Variants in RPH3AL observed in about 807,000 individuals in gnomAD.
The protein encoded by RPH3AL is rab effector Noc2.
A neutral mutation model predicts 43.1 loss-of-function variants in RPH3AL; 38 were observed. That is an observed-to-expected ratio of 0.88 (90% CI 0.68 to 1.15). The LOEUF is 1.15. Ranked by LOEUF, RPH3AL falls within the 50% of genes most tolerant of loss-of-function variation. The pLI, the probability that RPH3AL is intolerant of heterozygous loss-of-function variation, is 0.00. For synonymous variants in RPH3AL, 189 were observed against 176.3 expected, an observed-to-expected ratio of 1.07 and a Z score of -0.57; for missense variants, 462 against 423.2, an observed-to-expected ratio of 1.09 and a Z score of -0.81.
rs111684299 is a variant in RPH3AL, at chr17:334,566, A to G, written c.-212-632T>C. ...GCTCCTTCTCCCCACGCCTTCCCCC[A>G]GGGCCAGCCCATCCACTGTGGAGGG... On this transcript the variant is annotated intron_variant, in intron 1 of 9. Coordinates refer to ENST00000331302, the MANE Select transcript of RPH3AL (RefSeq NM_006987.4). Among the ~76,000 whole-genome samples the G allele has an allele frequency of 9.3e-5, 12 of 129,668 alleles. 1 individual carries two copies. The highest frequency in any genetic ancestry group is 6.5e-5 in the Non-Finnish European group (4 of 61,292). 85.1% of individuals were successfully genotyped at this position (129,668 alleles called of 152,430 possible). A position where few individuals can be genotyped will look rare whatever the true frequency, so the allele number is the denominator to read the frequency against.
chr17:225,273 G>A lies in RPH3AL; in HGVS notation c.614-5537C>T, dbSNP rs1011650109. 1.3e-5 allele frequency among the ~76,000 whole-genome samples: 2 copies of A among 152,160 alleles called. No individual in the cohort carries two copies. Among genetic ancestry groups the A allele is most frequent in the Non-Finnish European group, 2.9e-5 (2 of 68,032 alleles). ...TGCCGCAGCAAGAGGAGATGGGGATGGGGCATGGCTGTGGTCCGTGTGCCC... is the reference window on the plus strand; with the variant it reads ...TGCCGCAGCAAGAGGAGATGGGGATAGGGCATGGCTGTGGTCCGTGTGCCC... On this transcript the variant is annotated intron_variant, in intron 7 of 9. Coordinates refer to ENST00000331302, the MANE Select transcript of RPH3AL (RefSeq NM_006987.4). This position sits in a 1 kb window ranked among gnomAD's most constrained non-coding sequence, Gnocchi z 4.4.
chr17:284,037 G>A (rs1226262017), intron 5 of RPH3AL, among the ~76,000 whole-genome samples: 2 of 152,198 alleles, frequency 1.3e-5, no homozygotes, highest in Non-Finnish European at 2.9e-5. Context: ...AACAAGTGTG[G>A]CCCTCAGAGA....
chr17:285,180 C>T (rs1323807540), intron 5 of RPH3AL, among the ~76,000 whole-genome samples: 1 of 151,874 alleles, frequency 6.6e-6, no homozygotes, highest in African/African-American at 2.4e-5. Flanking sequence ...GCCCTGGAGT[C>T]GTCTAGAGCC....
chr17:312,484 G>A (rs2043669636), intron 5 of RPH3AL, among the ~76,000 whole-genome samples: 1 of 152,148 alleles, frequency 6.6e-6, no homozygotes, highest in African/African-American at 2.4e-5. Context: ...ACGGCTGAAG[G>A]TGCCCAGTCT....
chr17:318,618 T>G (rs1262258779), intron 5 of RPH3AL, among the ~76,000 whole-genome samples: 1 of 151,968 alleles, frequency 6.6e-6, no homozygotes, highest in Admixed American at 6.5e-5. Context: ...CTCCATATGA[T>G]AGTATAATTA....
chr17:321,338 A>G lies in RPH3AL; in HGVS notation c.155T>C (p.Val52Ala). 2 of 1,611,118 alleles carry G rather than the reference A, an allele frequency of 1.2e-6. No homozygotes were observed. Among genetic ancestry groups the G allele is most frequent in the South Asian group, 1.1e-5 (1 of 91,068 alleles). ...CTGGATGACCTGCAGGATGGCCTCC[A>G]CCTCCGCCGGGCTGAGGTGCTGCTT... is the stretch of plus-strand genomic sequence containing the variant. The part of the protein sequence containing the change: ...RRKQHLSPAE[V>A]EAILQVIQRA... The change falls in exon 4 of 10, where the codon GTG becomes GCG. Residue 52 changes from valine to alanine, a missense_variant. Coordinates refer to ENST00000331302, the MANE Select transcript of RPH3AL (RefSeq NM_006987.4).
intron 5 of RPH3AL, among the ~76,000 whole-genome samples, chr17:292,280 C>G (rs913207556): frequency 2.6e-5 from 4 of 152,220 alleles, no homozygotes; most frequent in African/African-American, 9.6e-5. Flanking sequence ...GGGCCAGCAG[C>G]GGAAAGGCTG....
At chr17:315,169 AC>A (rs2043921041) in intron 5 of RPH3AL, among the ~76,000 whole-genome samples, 1 of 17,938 alleles carries the variant, frequency 5.6e-5, no homozygotes, top group African/African-American at 2.3e-4. Flanking sequence ...CTGTGCCCCC[AC>A]CTCCATTCAC....
intron 1 of RPH3AL, among the ~76,000 whole-genome samples, chr17:350,616 GA>G (rs1337180055): frequency 1.3e-5 from 2 of 151,756 alleles, no homozygotes; most frequent in African/African-American, 4.8e-5. Flanking sequence ...CTCAAAAAAA[GA>G]AAAAAAAGTT....
rs942105649 is a variant in RPH3AL at position 323,248 on chromosome 17, G to A, written c.78-1833C>T. 1.6e-4 allele frequency among the ~76,000 whole-genome samples: 23 copies of A among 146,804 alleles called. No homozygotes were observed. Among genetic ancestry groups the A allele is most frequent in the East Asian group, 5.9e-4 (3 of 5,100 alleles). Reference sequence around the variant, plus strand: ...CAGGGATCCATACTTCTACACTGCCGGTTTTTCCAATTTAAAAAAAAAAAA... The same window carrying A: ...CAGGGATCCATACTTCTACACTGCCAGTTTTTCCAATTTAAAAAAAAAAAA... On this transcript the variant is annotated intron_variant, in intron 3 of 9. Transcript: ENST00000331302. The surrounding 1 kb of genome is among the most constrained non-coding windows in gnomAD (Gnocchi z 4.4).
In RPH3AL at chr17:324,598, C is replaced by T. The variant is rs181095477; in HGVS notation, c.77+2869G>A. Among the ~76,000 whole-genome samples the T allele has an allele frequency of 7.5e-3, 1,139 of 152,312 alleles. 17 individuals are homozygous for T. Among genetic ancestry groups the T allele is most frequent in the African/African-American group, 0.026 (1,080 of 41,554 alleles). On this transcript the variant is annotated intron_variant, in intron 3 of 9. Coordinates refer to ENST00000331302, the MANE Select transcript of RPH3AL (RefSeq NM_006987.4). ...TTCGTGCAGTCCCCAGGCCTTTGCT[C>T]ATGCTGCACCCTTCACCTGGGGCCC...
intron 5 of RPH3AL, among the ~76,000 whole-genome samples, chr17:287,031 G>A (rs1162840399): frequency 2.8e-5 from 1 of 35,606 alleles, no homozygotes; most frequent in Non-Finnish European, 5.6e-5. Context: ...TCTCTCCACC[G>A]TCAGACCTCA....
At chr17:265,947 G>A (rs1169583667) in intron 6 of RPH3AL, among the ~76,000 whole-genome samples, 1 of 152,214 alleles carries the variant, frequency 6.6e-6, no homozygotes, top group Non-Finnish European at 1.5e-5. Flanking sequence ...CACGGCGGAT[G>A]TTCAGCGTGA....
chr17:226,226 G>A (rs985394334), intron 7 of RPH3AL, among the ~76,000 whole-genome samples: 5 of 152,320 alleles, frequency 3.3e-5, no homozygotes, highest in South Asian at 2.1e-4. Flanking sequence ...GGCCACAGCC[G>A]TGAAGAAGTG....
intron 5 of RPH3AL, among the ~76,000 whole-genome samples, chr17:284,838 G>C (rs997864137): frequency 6.6e-6 from 1 of 152,200 alleles, no homozygotes; most frequent in Admixed American, 6.5e-5. Context: ...TGACGGCCCC[G>C]GTCGGGGTGC....
intron 5 of RPH3AL, among the ~76,000 whole-genome samples, chr17:302,809 T>C (rs144801124): frequency 6.6e-6 from 1 of 152,162 alleles, no homozygotes; most frequent in South Asian, 2.1e-4. Flanking sequence ...TGATATCTTA[T>C]TAAGTGGAAA....
intron 6 of RPH3AL, among the ~76,000 whole-genome samples, chr17:259,912 G>C (rs1024741905): frequency 6.6e-6 from 1 of 152,206 alleles, no homozygotes; most frequent in Non-Finnish European, 1.5e-5. Context: ...TTCCTAAATG[G>C]TTGTGGCTGG....
chr17:281,181 G>A (rs372005155), intron 6 of RPH3AL, among the ~76,000 whole-genome samples: 10 of 152,170 alleles, frequency 6.6e-5, no homozygotes, highest in African/African-American at 2.4e-4. Flanking sequence ...CCATAGAACT[G>A]TAGCAGCAGA....
intron 5 of RPH3AL, among the ~76,000 whole-genome samples, chr17:300,193 C>A (rs1338084488): frequency 1.4e-5 from 1 of 71,070 alleles, no homozygotes; most frequent in Non-Finnish European, 3.0e-5. Context: ...GCTGGCCCAG[C>A]CTAGGCCTGC....
Sources: allele counts gnomAD v4.1 joint callset (sites outside exome capture counted in the v4.1 genomes callset), GRCh38; gene constraint gnomAD v4.1.1; non-coding constraint Gnocchi (gnomAD v3.1); transcripts MANE v1.5; gene names NCBI Gene and HGNC (gene_info 2026-07-23, HGNC 2026-07-21).